The following PAIP2 variants were observed in gnomAD, a reference collection of about 807,000 sequenced individuals.
PAIP2 encodes the protein poly(A) binding protein interacting protein 2, also known as polyadenylate-binding protein-interacting protein 2.
In PAIP2, 7 loss-of-function variants were observed where a neutral mutation model predicts 14.8. That is an observed-to-expected ratio of 0.47 (90% CI 0.27 to 0.89). The LOEUF (loss-of-function observed/expected upper bound fraction) is 0.89, where lower values mean the gene tolerates loss of function less well. Ranked by LOEUF, PAIP2 falls within the 40% of genes least tolerant of loss-of-function variation. PAIP2 has a pLI of 0.13. For synonymous variants in PAIP2, 47 were observed against 45.3 expected (o/e 1.04, Z -0.15); for missense variants, 122 against 154.7 (o/e 0.79, Z 1.12).
At chr5:139,360,224 C>G (rs753171447) in intron 1 of PAIP2, among the ~76,000 whole-genome samples, 19 of 152,182 alleles carry the variant, frequency 1.2e-4, no homozygotes, top group Admixed American at 6.5e-5. Context: ...CTTGGCCTCC[C>G]AAAGTGTTGG....
chr5:139,349,517 G>A (rs1314933322), intron 1 of PAIP2, among the ~76,000 whole-genome samples: 1 of 152,138 alleles, frequency 6.6e-6, no homozygotes, highest in Non-Finnish European at 1.5e-5. Flanking sequence ...AAAGTGCTGG[G>A]ATTACAGGCA....
chr5:139,352,169 G>GA (rs368205101), intron 1 of PAIP2, among the ~76,000 whole-genome samples: 7,125 of 131,580 alleles, frequency 0.054, 205 homozygotes, highest in African/African-American at 0.072. Flanking sequence ...TCCAAAATCT[G>GA]AAAAAAAAAA....
At chr5:139,348,354 A>G (rs540975198) in intron 1 of PAIP2, among the ~76,000 whole-genome samples, 3 of 149,188 alleles carry the variant, frequency 2.0e-5, no homozygotes, top group Non-Finnish European at 4.5e-5. Context: ...AAGCCTGGCT[A>G]ATTTTTTTTT....
In PAIP2 at chr5:139,368,720, A is replaced by G. The variant is rs1459037871; in HGVS notation, c.319-13A>G. On this transcript the variant is annotated splice_polypyrimidine_tract_variant and intron_variant, in intron 3 of 3. Transcript: ENST00000265192. Reference sequence around the variant, plus strand: ...TGTTAATGAACTTGCTTTTTTATGTACTTATTTTCCAGGTCAAGAGCAATC... The same window carrying G: ...TGTTAATGAACTTGCTTTTTTATGTGCTTATTTTCCAGGTCAAGAGCAATC... 6.2e-7 allele frequency: 1 copy of G among 1,601,766 alleles called. No individual in the cohort carries two copies. The highest frequency in any genetic ancestry group is 8.5e-7 in the Non-Finnish European group (1 of 1,169,634).
rs1470791772 is a variant in PAIP2 at position 139,352,504 on chromosome 5, T to TTTTTTTTTTTTG, written c.-27+10534_-27+10535insTGTTTTTTTTTT. 4.4e-4 allele frequency among the ~76,000 whole-genome samples: 20 copies of TTTTTTTTTTTTG among 45,612 alleles called. 1 individual carries two copies. Among genetic ancestry groups the TTTTTTTTTTTTG allele is most frequent in the Non-Finnish European group, 1.3e-3 (10 of 7,508 alleles). The allele number at this position is 45,612 out of a possible 152,430, so 29.9% of individuals were successfully genotyped here. Reference sequence around the variant, plus strand: ...TTCCTGCCAGTTTTTTTTTTGTTGTTTTTTTTTTTTGAGATGGAGTTTCGT... The same window carrying TTTTTTTTTTTTG: ...TTCCTGCCAGTTTTTTTTTTGTTGTTTTTTTTTTTTTGTTTTTTTTTTGAGATGGAGTTTCGT... On this transcript the variant is annotated intron_variant, in intron 1 of 3. Transcript: ENST00000265192.
intron 1 of PAIP2, among the ~76,000 whole-genome samples, chr5:139,355,692 TA>T (rs1187543532): frequency 6.6e-6 from 1 of 151,202 alleles, no homozygotes; most frequent in Non-Finnish European, 1.5e-5. Context: ...CCTTCTCTGC[TA>T]AAATAATACA....
Position 139,368,776 on chromosome 5 carries a change from G to C in PAIP2, c.362G>C (p.Gly121Ala), listed in dbSNP as rs1441468405. 6 of 1,613,096 alleles carry C rather than the reference G, an allele frequency of 3.7e-6. No individual in the cohort carries two copies. The highest frequency in any genetic ancestry group is 1.1e-5 in the South Asian group (1 of 91,016). The part of the protein sequence containing the change: ...LNPNAKEFVP[G>A]VKYGNI ...CCAAATGCAAAGGAGTTTGTTCCTG[G>C]GGTGAAGTACGGAAATATTTGAGTA... The change falls in exon 4 of 4, where the codon GGG becomes GCG. Residue 121 changes from glycine to alanine, a missense_variant. Transcript: ENST00000265192.
intron 1 of PAIP2, 67 bp downstream of exon 1, chr5:139,342,047 G>A (rs1260535243): frequency 2.0e-5 from 3 of 152,750 alleles, no homozygotes; most frequent in East Asian, 1.9e-4. Flanking sequence ...AGTCGGCGAC[G>A]GCAGAGGGGC....
intron 1 of PAIP2, among the ~76,000 whole-genome samples, chr5:139,349,365 C>T (rs1354359540): frequency 6.6e-6 from 1 of 152,174 alleles, no homozygotes. Flanking sequence ...TCTCCTGCCT[C>T]AGCTTCCTGA....
At chr5:139,367,362 T>G (rs962941794) in intron 3 of PAIP2, 2 of 152,190 alleles carry the variant, frequency 1.3e-5, no homozygotes, top group African/African-American at 4.8e-5. Flanking sequence ...AGAGGAAAAT[T>G]TCTAGCTGTT....
intron 1 of PAIP2, among the ~76,000 whole-genome samples, chr5:139,351,295 CACT>C (rs1454131955): frequency 2.0e-5 from 3 of 151,662 alleles, no homozygotes; most frequent in South Asian, 2.1e-4. Flanking sequence ...CTATACGAAG[CACT>C]ACTACCTTGT....
At chr5:139,365,539 G>A (rs1458872931) in intron 3 of PAIP2, among the ~76,000 whole-genome samples, 8 of 151,948 alleles carry the variant, frequency 5.3e-5, no homozygotes, top group East Asian at 3.9e-4. Flanking sequence ...GGTGGCGGGC[G>A]CCTGTAGTTC....
At chr5:139,347,008 A>T (rs566795583) in intron 1 of PAIP2, among the ~76,000 whole-genome samples, 53 of 151,974 alleles carry the variant, frequency 3.5e-4, no homozygotes, top group Non-Finnish European at 7.2e-4. Flanking sequence ...GGGTTTCACC[A>T]TGTTGGCCAG....
intron 1 of PAIP2, among the ~76,000 whole-genome samples, chr5:139,358,731 T>C (rs1234386465): frequency 6.6e-6 from 1 of 152,108 alleles, no homozygotes; most frequent in Non-Finnish European, 1.5e-5. Flanking sequence ...CTTGAAAACA[T>C]TGTAATAAGT....
At chr5:139,363,638 G>A in intron 1 of PAIP2, 121 bp from the exon 2 acceptor site, 1 of 765,880 alleles carries the variant, frequency 1.3e-6, no homozygotes, top group South Asian at 1.9e-5. Context: ...AAGAGATCGA[G>A]GCTGTGGTGA....
At chr5:139,362,601 G>T (rs1204917743) in intron 1 of PAIP2, among the ~76,000 whole-genome samples, 1 of 151,820 alleles carries the variant, frequency 6.6e-6, no homozygotes, top group Non-Finnish European at 1.5e-5. Context: ...GTAGAGACGG[G>T]GTTTCACCAT....
chr5:139,352,503 T>TTTTTTTTTTTTTGTTTTTTTTTTTTTG (rs1422182919), intron 1 of PAIP2, among the ~76,000 whole-genome samples: 8 of 124,456 alleles, frequency 6.4e-5, no homozygotes, highest in Admixed American at 1.6e-4. Context: ...TTTTTTGTTG[T>TTTTTTTTTTTTTGTTTTTTTTTTTTTG]TTTTTTTTTT....
At chr5:139,347,035 C>T (rs1159025004) in intron 1 of PAIP2, among the ~76,000 whole-genome samples, 3 of 152,022 alleles carry the variant, frequency 2.0e-5, no homozygotes, top group Admixed American at 2.0e-4. Context: ...TCTCAAACTC[C>T]TCACCTCAAG....
intron 1 of PAIP2, chr5:139,342,408 C>G (rs1046864050): frequency 6.6e-6 from 1 of 152,064 alleles, no homozygotes; most frequent in Non-Finnish European, 1.5e-5. Context: ...CACGCGCAGC[C>G]CCTACTTGCT....
Sources: gnomAD v4.1 joint callset for allele counts (sites outside exome capture counted in the v4.1 genomes callset) on GRCh38, gnomAD v4.1.1 for gene constraint, MANE v1.5 for transcripts, NCBI Gene and HGNC (gene_info 2026-07-23, HGNC 2026-07-21) for gene names.